Variants in EPHB1 observed in about 807,000 individuals in gnomAD.
EPHB1 encodes the protein ephrin type-B receptor 1.
In EPHB1, 30 loss-of-function variants were observed where a neutral mutation model predicts 94.4. The ratio of observed to expected loss-of-function variants is 0.32; its 90% CI spans 0.24 to 0.43. EPHB1 has a LOEUF of 0.43. EPHB1 is among the 20% of genes least tolerant of loss of function. EPHB1 has a pLI of 1.00. For synonymous variants in EPHB1, 522 were observed against 489.1 expected (o/e 1.07, Z -0.89); for missense variants, 1,055 against 1,308.3 (o/e 0.81, Z 2.99).
intron 7 of EPHB1, among the ~76,000 whole-genome samples, chr3:135,164,779 A>G (rs1456659173): frequency 1.5e-5 from 2 of 133,442 alleles, no homozygotes; most frequent in Non-Finnish European, 3.1e-5. Context: ...ACTGCACTCC[A>G]CCCTGGGTGA....
chr3:135,140,168 G>A (rs1940769933), intron 5 of EPHB1, among the ~76,000 whole-genome samples: 1 of 152,164 alleles, frequency 6.6e-6, no homozygotes, highest in South Asian at 2.1e-4. Context: ...AACCCTTATT[G>A]GAGAGGGGAC....
intron 3 of EPHB1, among the ~76,000 whole-genome samples, chr3:135,007,261 T>TGG (rs764952836): frequency 2.6e-5 from 4 of 152,198 alleles, no homozygotes; most frequent in Non-Finnish European, 5.9e-5. Context: ...TTGCAGAGCC[T>TGG]GGGTACACAG....
chr3:134,834,962 TCTGTC>T (rs1033544295), intron 1 of EPHB1, among the ~76,000 whole-genome samples: 94 of 152,302 alleles, frequency 6.2e-4, no homozygotes, highest in Non-Finnish European at 2.5e-4. Flanking sequence ...TGATTGACTG[TCTGTC>T]CTGGAAAATA....
At chr3:134,965,186 C>A (rs1049172383) in intron 3 of EPHB1, among the ~76,000 whole-genome samples, 1 of 152,210 alleles carries the variant, frequency 6.6e-6, no homozygotes, top group Non-Finnish European at 1.5e-5. Context: ...CTTGATTACT[C>A]TTGGCTTATG....
chr3:135,168,631 G>A lies in EPHB1; in HGVS notation c.1759+1625G>A, dbSNP rs762256015. ...ATGGTGCACTCACCAGGGTGCCTCCGTATTTCCTCAAGGGCGACCTTCGTC... is the reference window on the plus strand; with the variant it reads ...ATGGTGCACTCACCAGGGTGCCTCCATATTTCCTCAAGGGCGACCTTCGTC... On this transcript the variant is annotated intron_variant, in intron 9 of 15. Transcript: ENST00000398015. 7.9e-5 allele frequency among the ~76,000 whole-genome samples: 12 copies of A among 152,238 alleles called. No homozygotes were observed. In the South Asian group the frequency reaches 2.3e-3, roughly 29 times the overall value.
At chr3:135,182,270 G>T (rs1942175800) in intron 10 of EPHB1, among the ~76,000 whole-genome samples, 1 of 152,184 alleles carries the variant, frequency 6.6e-6, no homozygotes, top group Non-Finnish European at 1.5e-5. Flanking sequence ...CATGTAACTG[G>T]CAATGTTTCT....
intron 4 of EPHB1, among the ~76,000 whole-genome samples, chr3:135,127,475 C>T (rs1225912325): frequency 6.6e-6 from 1 of 152,144 alleles, no homozygotes; most frequent in East Asian, 1.9e-4. Context: ...GATCCCAGGA[C>T]ACAGACCCTG....
intron 1 of EPHB1, among the ~76,000 whole-genome samples, chr3:134,916,416 G>A (rs4955514): frequency 0.17 from 25,903 of 152,244 alleles, 2,512 homozygotes; most frequent in Admixed American, 0.3. Flanking sequence ...GGCGGTGCTC[G>A]TCCGGGAGGC....
chr3:135,194,622 C>G (rs530377939), intron 11 of EPHB1, among the ~76,000 whole-genome samples: 1 of 152,232 alleles, frequency 6.6e-6, no homozygotes, highest in South Asian at 2.1e-4. Flanking sequence ...AGCTGGGGGA[C>G]TTGTCTAGAA....
At chr3:135,197,589 G>A (rs1390187495) in intron 11 of EPHB1, among the ~76,000 whole-genome samples, 2 of 152,148 alleles carry the variant, frequency 1.3e-5, no homozygotes, top group African/African-American at 2.4e-5. Flanking sequence ...TTCCTGAAGT[G>A]GATTCGTCAA....
At chr3:134,916,314 GC>G (rs1482318950) in intron 1 of EPHB1, among the ~76,000 whole-genome samples, 2 of 152,258 alleles carry the variant, frequency 1.3e-5, no homozygotes, top group African/African-American at 4.8e-5. Flanking sequence ...CCACACGAGG[GC>G]CACAGGTGGA....
At chr3:135,222,833 G>A (rs1377740002) in intron 12 of EPHB1, among the ~76,000 whole-genome samples, 2 of 152,086 alleles carry the variant, frequency 1.3e-5, no homozygotes, top group African/African-American at 4.8e-5. Context: ...CCAATACACT[G>A]GGTACAAATG....
At chr3:135,024,539 G>A (rs889672906) in intron 3 of EPHB1, among the ~76,000 whole-genome samples, 2 of 152,204 alleles carry the variant, frequency 1.3e-5, no homozygotes, top group South Asian at 4.1e-4. Context: ...AGCAGAGCAC[G>A]TGTCTGGGGG....
At chr3:135,180,043 C>T in intron 10 of EPHB1, 61 bp downstream of exon 10, 1 of 1,596,896 alleles carries the variant, frequency 6.3e-7, no homozygotes, top group Non-Finnish European at 8.6e-7. Context: ...CTTTCCACCA[C>T]CCTAGATGGT....
intron 3 of EPHB1, among the ~76,000 whole-genome samples, chr3:135,073,751 A>G (rs1170033456): frequency 3.3e-5 from 5 of 151,830 alleles, no homozygotes; most frequent in African/African-American, 1.2e-4. Context: ...GTCTCTTTTA[A>G]TCTATAGTTT....
intron 5 of EPHB1, among the ~76,000 whole-genome samples, chr3:135,140,808 G>A (rs542813681): frequency 4.6e-5 from 7 of 152,184 alleles, no homozygotes; most frequent in African/African-American, 1.7e-4. Context: ...CCAGCCCCGC[G>A]CCTATCATTT....
chr3:135,085,610 A>G (rs1162729639), intron 3 of EPHB1, among the ~76,000 whole-genome samples: 1 of 152,166 alleles, frequency 6.6e-6, no homozygotes, highest in East Asian at 1.9e-4. Context: ...TAGCATCACA[A>G]ATGTTTGATG....
At position 135,035,559 on chromosome 3, in the gene EPHB1, G is replaced by A. The variant is rs980465971; in HGVS notation, c.806-70889G>A. Among the ~76,000 whole-genome samples the A allele has an allele frequency of 3.3e-5, 5 of 152,114 alleles. No individual in the cohort carries two copies. In the East Asian group the frequency reaches 7.7e-4, roughly 23 times the overall value. On this transcript the variant is annotated intron_variant, in intron 3 of 15. Coordinates refer to ENST00000398015, the MANE Select transcript of EPHB1 (RefSeq NM_004441.5). ...GCACATCCCTGGGTAATTAGAGGAGGAGGCTGAAATCTAGCGTGTTCTGTT... is the reference window on the plus strand; with the variant it reads ...GCACATCCCTGGGTAATTAGAGGAGAAGGCTGAAATCTAGCGTGTTCTGTT...
chr3:135,071,556 G>A (rs1460661259), intron 3 of EPHB1, among the ~76,000 whole-genome samples: 1 of 152,186 alleles, frequency 6.6e-6, no homozygotes, highest in South Asian at 2.1e-4. Flanking sequence ...GTCTTACATT[G>A]TGGGCCCTGG....
Sources: allele counts gnomAD v4.1 joint callset (sites outside exome capture counted in the v4.1 genomes callset), GRCh38; gene constraint gnomAD v4.1.1; transcripts MANE v1.5; gene names NCBI Gene and HGNC (gene_info 2026-07-23, HGNC 2026-07-21).